Variants in NALF1 observed in about 807,000 individuals in gnomAD.
The protein encoded by NALF1 is family with sequence similarity 155 member A.
In NALF1, 3 loss-of-function variants were observed where a neutral mutation model predicts 48.4. The ratio of observed to expected loss-of-function variants is 0.06; its 90% confidence interval spans 0.03 to 0.16. The LOEUF (loss-of-function observed/expected upper bound fraction) is 0.16. Among genes scored for constraint, NALF1 ranks in the 10% least tolerant of loss-of-function variants. The probability of loss-of-function intolerance (pLI) is 1.00; values close to 1 mark genes in which losing one functional copy is unlikely to be tolerated. For synonymous variants in NALF1, 262 were observed against 245.7 expected (o/e 1.07, Z -0.62); for missense variants, 526 against 571.5 (o/e 0.92, Z 0.81).
At chr13:107,458,847 T>A (rs1266884497) in intron 1 of NALF1, among the ~76,000 whole-genome samples, 1 of 152,204 alleles carries the variant, frequency 6.6e-6, no homozygotes, top group Non-Finnish European at 1.5e-5. Flanking sequence ...TCAGTCAATT[T>A]ATTAATACAC....
intron 1 of NALF1, among the ~76,000 whole-genome samples, chr13:107,824,557 G>C (rs1879455980): frequency 6.6e-6 from 1 of 152,202 alleles, no homozygotes. Flanking sequence ...CAGAAGTCAT[G>C]AGTCTGATAG....
At chr13:107,477,561 A>G (rs1173408159) in intron 1 of NALF1, among the ~76,000 whole-genome samples, 3 of 151,918 alleles carry the variant, frequency 2.0e-5, no homozygotes, top group African/African-American at 4.8e-5. Flanking sequence ...TCTTCTTGTG[A>G]TCTTCCTTAC....
intron 1 of NALF1, among the ~76,000 whole-genome samples, chr13:107,570,068 C>A (rs1242305066): frequency 6.6e-6 from 1 of 151,978 alleles, no homozygotes; most frequent in Non-Finnish European, 1.5e-5. Flanking sequence ...CCTTATTGAA[C>A]TCATTTATTA....
intron 1 of NALF1, among the ~76,000 whole-genome samples, chr13:107,798,002 C>T (rs893512717): frequency 2.6e-5 from 4 of 152,098 alleles, no homozygotes; most frequent in South Asian, 4.1e-4. Context: ...ATCCCATTTT[C>T]CTCAACTTGG....
chr13:107,635,431 T>C (rs1034288069), intron 1 of NALF1, among the ~76,000 whole-genome samples: 3 of 64,992 alleles, frequency 4.6e-5, no homozygotes, highest in East Asian at 2.2e-3. Flanking sequence ...AACAGCAACA[T>C]AGGGGTAACC....
intron 1 of NALF1, among the ~76,000 whole-genome samples, chr13:107,269,914 T>A (rs1452366444): frequency 2.7e-5 from 1 of 36,374 alleles, no homozygotes; most frequent in African/African-American, 8.9e-5. Flanking sequence ...GCCCGGCTAA[T>A]TTTTTTTTTT....
intron 1 of NALF1, among the ~76,000 whole-genome samples, chr13:107,784,234 C>T (rs1878007567): frequency 1.3e-5 from 2 of 152,280 alleles, no homozygotes; most frequent in South Asian, 4.1e-4. Flanking sequence ...AGTGATGGGT[C>T]TCAAGTAGAA....
At chr13:107,463,963 T>C (rs1425767205) in intron 1 of NALF1, among the ~76,000 whole-genome samples, 1 of 152,162 alleles carries the variant, frequency 6.6e-6, no homozygotes, top group Non-Finnish European at 1.5e-5. Flanking sequence ...TAATAGATCT[T>C]TATCAGAAAA....
intron 1 of NALF1, among the ~76,000 whole-genome samples, chr13:107,261,085 A>G (rs1880919176): frequency 6.6e-6 from 1 of 152,228 alleles, no homozygotes; most frequent in South Asian, 2.1e-4. Flanking sequence ...AGCCACTAAA[A>G]TTTTGGACTG....
chr13:107,391,604 GTCTA>G lies in NALF1; in HGVS notation c.916-180853_916-180850del, dbSNP rs953934088. On this transcript the variant is annotated intron_variant, in intron 1 of 2. Transcript: ENST00000375915. The stretch of plus-strand genomic sequence containing the variant: ...TACAACCCTCTCTCTCTCTGAAGTC[GTCTA>G]TCTGAGAGCTTCCTCTGCACAAGAA... Among the ~76,000 whole-genome samples the G allele has an allele frequency of 2.1e-4, 32 of 152,098 alleles. No homozygotes were observed. In the South Asian group the frequency reaches 2.9e-3, roughly 14 times the overall value.
chr13:107,672,026 G>T (rs540008879), intron 1 of NALF1, among the ~76,000 whole-genome samples: 2 of 152,030 alleles, frequency 1.3e-5, no homozygotes, highest in African/African-American at 4.8e-5. Flanking sequence ...TCATTGGTTC[G>T]TAAGAATGAA....
chr13:107,170,898 C>T, intron 2 of NALF1, 112 bp from the exon 3 acceptor site: 4 of 962,166 alleles, frequency 4.2e-6, no homozygotes, highest in Non-Finnish European at 6.2e-6. Flanking sequence ...GGCAATTAGA[C>T]ATTTATTTAA....
chr13:107,551,439 A>G (rs902715562), intron 1 of NALF1, among the ~76,000 whole-genome samples: 10 of 152,152 alleles, frequency 6.6e-5, no homozygotes, highest in Admixed American at 3.3e-4. Flanking sequence ...CTGCTCCTTA[A>G]TTTTGAGCTA....
At chr13:107,239,006 T>C (rs1880410601) in intron 1 of NALF1, among the ~76,000 whole-genome samples, 1 of 151,746 alleles carries the variant, frequency 6.6e-6, no homozygotes, top group Non-Finnish European at 1.5e-5. Flanking sequence ...AAAAGAAATA[T>C]GAAAGCTCAA....
chr13:107,256,643 C>T (rs1880821846), intron 1 of NALF1, among the ~76,000 whole-genome samples: 1 of 151,984 alleles, frequency 6.6e-6, no homozygotes, highest in African/African-American at 2.4e-5. Flanking sequence ...TCATTTTCTT[C>T]TTACTTGTTA....
chr13:107,635,213 T>C (rs1197328012), intron 1 of NALF1, among the ~76,000 whole-genome samples: 3 of 152,092 alleles, frequency 2.0e-5, no homozygotes, highest in South Asian at 2.1e-4. Context: ...TATGAAGACA[T>C]ACCTGAGACT....
intron 1 of NALF1, among the ~76,000 whole-genome samples, chr13:107,217,637 C>A (rs1015482835): frequency 6.6e-6 from 1 of 152,110 alleles, no homozygotes; most frequent in Non-Finnish European, 1.5e-5. Flanking sequence ...CTCTTCTTTT[C>A]GGAGGGAAGC....
chr13:107,519,080 C>T (rs1876154009), intron 1 of NALF1, among the ~76,000 whole-genome samples: 1 of 151,402 alleles, frequency 6.6e-6, no homozygotes, highest in South Asian at 2.1e-4. Flanking sequence ...TGTCTGCCTT[C>T]AGGAGAGCTC....
At chr13:107,641,427 A>G (rs1880152402) in intron 1 of NALF1, among the ~76,000 whole-genome samples, 1 of 152,198 alleles carries the variant, frequency 6.6e-6, no homozygotes, top group Non-Finnish European at 1.5e-5. Context: ...CCAACCCAAA[A>G]AAAGATAATT....
Sources: gnomAD v4.1 joint callset for allele counts (sites outside exome capture counted in the v4.1 genomes callset) on GRCh38, gnomAD v4.1.1 for gene constraint, MANE v1.5 for transcripts, NCBI Gene and HGNC (gene_info 2026-07-23, HGNC 2026-07-21) for gene names.